Variants in NCKAP5 observed in about 807,000 individuals in gnomAD.
NCKAP5 encodes the protein nck-associated protein 5.
A neutral mutation model predicts 167.0 loss-of-function variants in NCKAP5; 92 were observed. The observed-to-expected ratio is 0.55, with a 90% CI of 0.47 to 0.66. NCKAP5 has a LOEUF of 0.66. Ranked by LOEUF, NCKAP5 falls within the 30% of genes least tolerant of loss-of-function variation. The probability of loss-of-function intolerance (pLI) is 0.00; values close to 1 mark genes in which losing one functional copy is unlikely to be tolerated. For missense variants in NCKAP5, 2,378 were observed against 2,315.0 expected (o/e 1.03, Z -0.56); for synonymous variants, 891 against 877.4 (o/e 1.02, Z -0.27).
intron 8 of NCKAP5, among the ~76,000 whole-genome samples, chr2:132,935,842 G>A (rs1020430): frequency 0.13 from 19,386 of 152,152 alleles, 1,622 homozygotes; most frequent in Admixed American, 0.28. Context: ...ATGTGGTGTC[G>A]CACTTCATGA....
chr2:133,001,575 T>C (rs1249930761), intron 6 of NCKAP5, among the ~76,000 whole-genome samples: 1 of 152,170 alleles, frequency 6.6e-6, no homozygotes, highest in African/African-American at 2.4e-5. Context: ...AAGGAACTCA[T>C]TCAAGATGAT....
At chr2:132,832,499 T>G (rs1158818596) in intron 11 of NCKAP5, among the ~76,000 whole-genome samples, 6 of 152,164 alleles carry the variant, frequency 3.9e-5, no homozygotes. Context: ...TACCCATTAA[T>G]TAATTTCTCA....
At chr2:133,471,080 A>G (rs1321027613) in intron 3 of NCKAP5, among the ~76,000 whole-genome samples, 2 of 152,186 alleles carry the variant, frequency 1.3e-5, no homozygotes, top group Non-Finnish European at 1.5e-5. Context: ...CATCATCATC[A>G]ATCATCAGTC....
intron 3 of NCKAP5, among the ~76,000 whole-genome samples, chr2:133,336,026 A>G (rs968963709): frequency 1.3e-5 from 2 of 152,254 alleles, no homozygotes; most frequent in Admixed American, 6.5e-5. Context: ...TTCATTTTAC[A>G]GAGTCTCAAG....
At chr2:133,527,801 A>G (rs775628630) in intron 2 of NCKAP5, among the ~76,000 whole-genome samples, 1 of 152,260 alleles carries the variant, frequency 6.6e-6, no homozygotes, top group South Asian at 2.1e-4. Context: ...TCGGTGGTTC[A>G]TACCTGTAAT....
intron 4 of NCKAP5, among the ~76,000 whole-genome samples, chr2:133,227,411 T>C (rs2086943374): frequency 6.6e-6 from 1 of 152,130 alleles, no homozygotes; most frequent in African/African-American, 2.4e-5. Flanking sequence ...TATTCCAGAG[T>C]GGAGACGGTT....
chr2:133,184,557 G>T (rs11893446), intron 5 of NCKAP5, among the ~76,000 whole-genome samples: 26,118 of 152,044 alleles, frequency 0.17, 2,581 homozygotes, highest in African/African-American at 0.28. Flanking sequence ...TTTCCACAGG[G>T]ACTGAACTAA....
intron 5 of NCKAP5, among the ~76,000 whole-genome samples, chr2:133,173,776 T>C (rs2084343406): frequency 6.6e-6 from 1 of 152,190 alleles, no homozygotes; most frequent in South Asian, 2.1e-4. Flanking sequence ...AATATCCACA[T>C]ATGACAGATT....
At chr2:132,980,246 C>T (rs2149265202) in intron 7 of NCKAP5, among the ~76,000 whole-genome samples, 1 of 152,154 alleles carries the variant, frequency 6.6e-6, no homozygotes, top group South Asian at 2.1e-4. Context: ...CCTGCCTCAG[C>T]CTCCCAAATT....
chr2:133,585,538 G>C, the NCKAP5 span, among the ~76,000 whole-genome samples: 3 of 152,150 alleles, frequency 2.0e-5, no homozygotes, highest in African/African-American at 7.2e-5. Context: ...CTATTCTCTT[G>C]AAATGAACAT....
intron 2 of NCKAP5, among the ~76,000 whole-genome samples, chr2:133,558,722 A>AAAAAAAAAAAAAAAAAAAAAAAAAC: frequency 6.8e-6 from 1 of 148,042 alleles, no homozygotes; most frequent in Middle Eastern, 3.6e-3. Flanking sequence ...AAAAAAAAAA[A>AAAAAAAAAAAAAAAAAAAAAAAAAC]AAAAGCCCAT....
chr2:133,054,426 G>A (rs1482061581), intron 6 of NCKAP5, among the ~76,000 whole-genome samples: 2 of 152,194 alleles, frequency 1.3e-5, no homozygotes, highest in Non-Finnish European at 2.9e-5. Flanking sequence ...AAGCTCTAAT[G>A]TAGAGACAAA....
chr2:133,320,225 A>G (rs934390131), intron 3 of NCKAP5, among the ~76,000 whole-genome samples: 17 of 152,296 alleles, frequency 1.1e-4, no homozygotes, highest in African/African-American at 3.6e-4. Context: ...CAGACTAGCA[A>G]AGCCAAACTT....
At chr2:132,838,348 G>A (rs558216397) in intron 11 of NCKAP5, among the ~76,000 whole-genome samples, 20 of 152,098 alleles carry the variant, frequency 1.3e-4, no homozygotes, top group Non-Finnish European at 1.8e-4. Flanking sequence ...TAATGAAATC[G>A]GGGCCGGGCG....
the NCKAP5 span, among the ~76,000 whole-genome samples, chr2:133,590,144 C>T: frequency 1.3e-5 from 2 of 152,166 alleles, no homozygotes; most frequent in South Asian, 2.1e-4. Flanking sequence ...ACCTGCCTAA[C>T]GAGTCAGTTT....
intron 6 of NCKAP5, among the ~76,000 whole-genome samples, chr2:133,129,746 G>T (rs2149793523): frequency 6.6e-6 from 1 of 152,332 alleles, no homozygotes; most frequent in East Asian, 1.9e-4. Context: ...AAGCCATCAG[G>T]AAAGAAAAGA....
chr2:133,502,050 G>A (rs575533353), intron 3 of NCKAP5, among the ~76,000 whole-genome samples: 30 of 152,134 alleles, frequency 2.0e-4, no homozygotes, highest in Non-Finnish European at 2.4e-4. Context: ...CGTTCGCCTC[G>A]CTTGCTGTGA....
chr2:133,517,216 T>C (rs1378515427), intron 3 of NCKAP5, among the ~76,000 whole-genome samples: 2 of 152,234 alleles, frequency 1.3e-5, no homozygotes, highest in East Asian at 3.8e-4. Context: ...TTGTAATTAA[T>C]GTAATTATAT....
chr2:132,951,161 A>G (rs957569007), intron 8 of NCKAP5, among the ~76,000 whole-genome samples: 32 of 152,190 alleles, frequency 2.1e-4, no homozygotes, highest in Non-Finnish European at 2.6e-4. Context: ...TATCTTCTTT[A>G]GAAACACAGT....
Sources: allele counts gnomAD v4.1 joint callset (sites outside exome capture counted in the v4.1 genomes callset), GRCh38; gene constraint gnomAD v4.1.1; transcripts MANE v1.5; gene names NCBI Gene and HGNC (gene_info 2026-07-23, HGNC 2026-07-21).